Variants in ABL2 observed in about 807,000 individuals in gnomAD.
ABL2 encodes the protein ABL proto-oncogene 2, non-receptor tyrosine kinase.
Under a neutral mutation model 107.7 loss-of-function variants are expected in ABL2, and 49 were observed. The ratio of observed to expected loss-of-function variants is 0.45; its 90% CI spans 0.36 to 0.58. The LOEUF (loss-of-function observed/expected upper bound fraction) is 0.58. ABL2 is among the 20% of genes least tolerant of loss of function. The pLI, the probability that ABL2 is intolerant of heterozygous loss-of-function variation, is 0.00. For synonymous variants in ABL2, 549 were observed against 548.6 expected, an observed-to-expected ratio of 1.00 and a Z score of -0.01; for missense variants, 1,245 against 1,457.0, an observed-to-expected ratio of 0.85 and a Z score of 2.37.
At chr1:179,116,573 T>G (rs1654653092) in intron 8 of ABL2, among the ~76,000 whole-genome samples, 1 of 149,576 alleles carries the variant, frequency 6.7e-6, no homozygotes, top group South Asian at 2.1e-4. Context: ...TACAATGGTG[T>G]GATCTCAGCT....
chr1:179,117,394 A>G lies in ABL2; in HGVS notation c.1346T>C (p.Ile449Thr). The change falls in exon 8 of 12, where the codon ATT becomes ACT. Residue 449 changes from isoleucine (I) to threonine (T), a missense_variant. Physicochemically the swap from Ile to Thr is moderately conservative, Grantham distance 89. This residue lies in a region of ABL2 where 320 missense variants were observed against 547.0 expected (regional missense o/e 0.59). Coordinates refer to ENST00000502732, the MANE Select transcript of ABL2 (RefSeq NM_007314.4). ...AAGACTCTCTGGTGCTGTCCACTTA[A>G]TAGGAAATTTGGCTCCAGCATGAGC... ...YTAHAGAKFP[I>T]KWTAPESLAY... 1 of 1,614,178 alleles carries G rather than the reference A, an allele frequency of 6.2e-7. No homozygotes were observed. Among genetic ancestry groups the G allele is most frequent in the South Asian group, 1.1e-5 (1 of 91,082 alleles).
chr1:179,123,551 A>G (rs1300697976), intron 4 of ABL2, among the ~76,000 whole-genome samples: 4 of 152,202 alleles, frequency 2.6e-5, no homozygotes, highest in African/African-American at 9.7e-5. Flanking sequence ...TGCTTACAAA[A>G]TAGTTGTTAA....
chr1:179,201,792 G>A (rs1254523639), intron 1 of ABL2: 7 of 936,998 alleles, frequency 7.5e-6, no homozygotes, highest in Non-Finnish European at 1.1e-5. Context: ...AATCGGTTGA[G>A]GTGGACAGTT....
chr1:179,227,071 A>G (rs1266868548), intron 1 of ABL2, among the ~76,000 whole-genome samples: 1 of 152,206 alleles, frequency 6.6e-6, no homozygotes, highest in African/African-American at 2.4e-5. Context: ...TTTCAGGTAA[A>G]GACTAGCCAA....
At position 179,151,405 on chromosome 1, in the gene ABL2, C is replaced by T. The variant is rs1044814191; in HGVS notation, c.158-18031G>A. Among the ~76,000 whole-genome samples, 6 of 152,180 alleles carry T rather than the reference C, an allele frequency of 3.9e-5. No homozygotes were observed. In the East Asian group the frequency reaches 9.6e-4, roughly 24 times the overall value. ...CTTCCTTTGCCTAAGCTCAAAGCAC[C>T]CATTGCCTAAAATAGCAATTGTTAT... is the stretch of plus-strand genomic sequence containing the variant. On this transcript the variant is annotated intron_variant, in intron 1 of 11. Transcript: ENST00000502732.
At chr1:179,204,151 C>G (rs550636784) in intron 1 of ABL2, among the ~76,000 whole-genome samples, 11 of 152,130 alleles carry the variant, frequency 7.2e-5, no homozygotes, top group South Asian at 2.1e-4. Flanking sequence ...CTCAGCCTCT[C>G]GAGTAGCTGG....
intron 1 of ABL2, among the ~76,000 whole-genome samples, chr1:179,175,348 T>C (rs1659981913): frequency 6.6e-6 from 1 of 151,066 alleles, no homozygotes; most frequent in Non-Finnish European, 1.5e-5. Context: ...AGGCTGACAG[T>C]TGTTCAGCTA....
At chr1:179,120,086 T>C in intron 6 of ABL2, 104 bp downstream of exon 6, 1 of 670,172 alleles carries the variant, frequency 1.5e-6, no homozygotes. Context: ...AGCGAGACCC[T>C]GTCTCTATAT....
At chr1:179,212,269 G>A (rs1021880197) in intron 1 of ABL2, among the ~76,000 whole-genome samples, 2 of 152,194 alleles carry the variant, frequency 1.3e-5, no homozygotes, top group Non-Finnish European at 2.9e-5. Context: ...TGAGATTTGG[G>A]TGGGGACACA....
chr1:179,162,235 C>T (rs771822993), intron 1 of ABL2, among the ~76,000 whole-genome samples: 9 of 152,042 alleles, frequency 5.9e-5, no homozygotes, highest in Non-Finnish European at 1.3e-4. Flanking sequence ...ATAACAAGTC[C>T]AACAATAAAG....
chr1:179,219,190 G>A (rs757666806), intron 1 of ABL2, among the ~76,000 whole-genome samples: 1 of 152,208 alleles, frequency 6.6e-6, no homozygotes, highest in Non-Finnish European at 1.5e-5. Flanking sequence ...CTACATGTGT[G>A]CACTAGCACG....
At chr1:179,110,869 G>C (rs756495147) in intron 10 of ABL2, 2 of 1,612,798 alleles carry the variant, frequency 1.2e-6, no homozygotes, top group East Asian at 2.2e-5. Context: ...GGGTATACGT[G>C]TATTCAGGTT....
chr1:179,167,401 G>C (rs1045543241), intron 1 of ABL2, among the ~76,000 whole-genome samples: 1 of 152,200 alleles, frequency 6.6e-6, no homozygotes, highest in Non-Finnish European at 1.5e-5. Flanking sequence ...AAAAGAGTGG[G>C]AGGTGGGAAT....
intron 1 of ABL2, among the ~76,000 whole-genome samples, chr1:179,185,657 T>C (rs922613301): frequency 6.6e-6 from 1 of 150,554 alleles, no homozygotes; most frequent in African/African-American, 2.5e-5. Flanking sequence ...AAACAGAAAT[T>C]AAAAGTATGT....
chr1:179,101,563 G>C lies in ABL2; in HGVS notation c.*6155C>G, dbSNP rs988555698. Reference sequence around the variant, plus strand: ...TTTTTATATTTTTAGTAGAGACGGGGTTTCACCATGTTGGCCAGGCTGGTC... The same window carrying C: ...TTTTTATATTTTTAGTAGAGACGGGCTTTCACCATGTTGGCCAGGCTGGTC... On this transcript the variant is annotated 3_prime_UTR_variant, in exon 12 of 12. Coordinates refer to ENST00000502732, the MANE Select transcript of ABL2 (RefSeq NM_007314.4). 1.2e-5 allele frequency: 2 copies of C among 172,486 alleles called. No individual in the cohort carries two copies. The highest frequency in any genetic ancestry group is 2.4e-5 in the African/African-American group (1 of 41,956). 10.7% of individuals were successfully genotyped at this position (172,486 alleles called of 1,614,324 possible).
intron 1 of ABL2, among the ~76,000 whole-genome samples, chr1:179,174,920 A>AATAAT (rs1553228696): frequency 1.1e-4 from 14 of 122,878 alleles, no homozygotes; most frequent in South Asian, 2.5e-4. Flanking sequence ...AAAATAAAAA[A>AATAAT]AATAATAATA....
At chr1:179,123,487 A>G (rs1367945142) in intron 4 of ABL2, among the ~76,000 whole-genome samples, 1 of 152,188 alleles carries the variant, frequency 6.6e-6, no homozygotes, top group Non-Finnish European at 1.5e-5. Context: ...AGTGGGTGAC[A>G]GAGCAAGACT....
intron 1 of ABL2, among the ~76,000 whole-genome samples, chr1:179,136,339 G>C (rs1223984128): frequency 6.6e-6 from 1 of 151,784 alleles, no homozygotes; most frequent in African/African-American, 2.4e-5. Context: ...GTAGACATGG[G>C]AGACTTTTCA....
chr1:179,213,659 A>G (rs1662406596), intron 1 of ABL2, among the ~76,000 whole-genome samples: 1 of 152,222 alleles, frequency 6.6e-6, no homozygotes, highest in South Asian at 2.1e-4. Context: ...AGTGGCTACT[A>G]GCTGCCATCC....
Sources: gnomAD v4.1 joint callset for allele counts (sites outside exome capture counted in the v4.1 genomes callset) on GRCh38, gnomAD v4.1.1 for gene constraint, gnomAD v4.1.1 regional missense constraint, MANE v1.5 for transcripts, NCBI Gene and HGNC (gene_info 2026-07-23, HGNC 2026-07-21) for gene names.